The following NFAT5 variants were observed in gnomAD, a reference collection of about 807,000 sequenced individuals.
NFAT5 encodes nuclear factor of activated T-cells 5.
NFAT5 carries 31 observed loss-of-function variants against 166.5 expected under a neutral mutation model. The observed-to-expected ratio is 0.19, with a 90% CI of 0.14 to 0.25. The LOEUF (loss-of-function observed/expected upper bound fraction) is 0.25, where lower values mean the gene tolerates loss of function less well. Among genes scored for constraint, NFAT5 ranks in the 10% least tolerant of loss-of-function variants. NFAT5 has a pLI of 1.00. For missense variants in NFAT5, 1,449 were observed against 1,821.8 expected, an observed-to-expected ratio of 0.80 and a Z score of 3.72; for synonymous variants, 612 against 639.7, an observed-to-expected ratio of 0.96 and a Z score of 0.65.
chr16:69,666,731 A>C (rs1348330058), intron 7 of NFAT5, among the ~76,000 whole-genome samples: 1 of 151,744 alleles, frequency 6.6e-6, no homozygotes, highest in Non-Finnish European at 1.5e-5. Flanking sequence ...GTGGGACTGT[A>C]AACTAGTTCA....
At chr16:69,598,823 G>A (rs1456055363) in intron 2 of NFAT5, among the ~76,000 whole-genome samples, 6 of 151,960 alleles carry the variant, frequency 3.9e-5, no homozygotes, top group Non-Finnish European at 8.8e-5. Flanking sequence ...TCAGGATTTC[G>A]AGATCAGCCT....
At chr16:69,685,069 C>T (rs9934681) in intron 11 of NFAT5, 99 bp downstream of exon 11, 105,771 of 614,106 alleles carry the variant, frequency 0.17, 9,879 homozygotes, top group East Asian at 0.37. Flanking sequence ...ACTTATAATA[C>T]TTTGCAGGGT....
At chr16:69,592,857 G>T (rs1597369499) in intron 2 of NFAT5, among the ~76,000 whole-genome samples, 1 of 152,068 alleles carries the variant, frequency 6.6e-6, no homozygotes, top group Admixed American at 6.6e-5. Flanking sequence ...AGTAGAGTAG[G>T]GTTTATTCTT....
At chr16:69,572,610 A>G (rs2016509120) in intron 2 of NFAT5, among the ~76,000 whole-genome samples, 1 of 152,172 alleles carries the variant, frequency 6.6e-6, no homozygotes, top group Non-Finnish European at 1.5e-5. Flanking sequence ...ACTAAGATAG[A>G]AATGAAACTG....
rs1188158260 is a variant in NFAT5 at position 69,688,202 on chromosome 16, C to CAAAAAAAA, written c.1775-2721_1775-2714dup. ...TGGGCGACAGAGCGAGACTCCGTCTCAAAAAAAAAAAAAAAAAAAAAAAAC... is the reference window on the plus strand; with the variant it reads ...TGGGCGACAGAGCGAGACTCCGTCTCAAAAAAAAAAAAAAAAAAAAAAAAAAAAAAAAC... On this transcript the variant is annotated intron_variant, in intron 11 of 14. Coordinates refer to ENST00000349945, the MANE Select transcript of NFAT5 (RefSeq NM_138713.4). Among the ~76,000 whole-genome samples the CAAAAAAAA allele has an allele frequency of 3.9e-3, 191 of 49,444 alleles. 10 individuals are homozygous for CAAAAAAAA. Among genetic ancestry groups the CAAAAAAAA allele is most frequent in the African/African-American group, 0.011 (167 of 15,722 alleles). The allele number at this position is 49,444 out of a possible 152,430, so 32.4% of individuals were successfully genotyped here.
chr16:69,623,436 T>C (rs1288931163), intron 2 of NFAT5, among the ~76,000 whole-genome samples: 1 of 152,006 alleles, frequency 6.6e-6, no homozygotes, highest in African/African-American at 2.4e-5. Context: ...CAAGCAGTTT[T>C]CCTGCCTCAG....
At chr16:69,667,747 G>A (rs898611583) in intron 7 of NFAT5, among the ~76,000 whole-genome samples, 1 of 141,404 alleles carries the variant, frequency 7.1e-6, no homozygotes, top group African/African-American at 3.2e-5. Context: ...ATATATTAAT[G>A]TAATTTTAAC....
chr16:69,619,321 T>G (rs967549755), intron 2 of NFAT5, among the ~76,000 whole-genome samples: 1 of 152,210 alleles, frequency 6.6e-6, no homozygotes, highest in African/African-American at 2.4e-5. Context: ...TCTATCCGTG[T>G]ATAGCCCTAA....
rs1188158260 is a variant in NFAT5, at chr16:69,688,202, C to CAAAA, written c.1775-2717_1775-2714dup. Among the ~76,000 whole-genome samples, 264 of 49,354 alleles carry CAAAA rather than the reference C, an allele frequency of 5.3e-3. 7 individuals are homozygous for CAAAA. The highest frequency in any genetic ancestry group is 0.02 in the East Asian group (20 of 994). 32.4% of individuals were successfully genotyped at this position (49,354 alleles called of 152,430 possible). On this transcript the variant is annotated intron_variant, in intron 11 of 14. Transcript: ENST00000349945. ...TGGGCGACAGAGCGAGACTCCGTCT[C>CAAAA]AAAAAAAAAAAAAAAAAAAAAAAAC... is the stretch of plus-strand genomic sequence containing the variant.
chr16:69,615,834 A>G (rs1305837887), intron 2 of NFAT5, among the ~76,000 whole-genome samples: 1 of 152,034 alleles, frequency 6.6e-6, no homozygotes, highest in African/African-American at 2.4e-5. Context: ...TTTCTGACAC[A>G]TTAATACCCT....
chr16:69,653,446 C>G lies in NFAT5; in HGVS notation c.1005+18C>G. ...CAGTAAAGGTATTTACTTTATTTAT[C>G]ATTTGAATTTTAGTTAAAATGTAAA... is the stretch of plus-strand genomic sequence containing the variant. On this transcript the variant is annotated intron_variant, in intron 5 of 14. Coordinates refer to ENST00000349945, the MANE Select transcript of NFAT5 (RefSeq NM_138713.4). 1.4e-6 allele frequency: 2 copies of G among 1,421,026 alleles called. No individual in the cohort carries two copies. The highest frequency in any genetic ancestry group is 1.9e-6 in the Non-Finnish European group (2 of 1,070,124). The allele number at this position is 1,421,026 out of a possible 1,614,324, so 88.0% of individuals were successfully genotyped here. A position where few individuals can be genotyped will look rare whatever the true frequency, so the allele number is the denominator to read the frequency against.
chr16:69,684,863 ATACAT>A lies in NFAT5; in HGVS notation c.1691-21_1691-17del. On this transcript the variant is annotated intron_variant, in intron 10 of 14. Transcript: ENST00000349945. Reference sequence around the variant, plus strand: ...TTTTAGGATGAGTAAATGTAGATAAATACATTAATCTTTTTTTTAATAGCAGCAGC... The same window carrying A: ...TTTTAGGATGAGTAAATGTAGATAAATAATCTTTTTTTTAATAGCAGCAGC... 1 of 1,518,226 alleles carries A rather than the reference ATACAT, an allele frequency of 6.6e-7. No individual in the cohort carries two copies. The highest frequency in any genetic ancestry group is 1.4e-5 in the African/African-American group (1 of 72,232). 94.0% of individuals were successfully genotyped at this position (1,518,226 alleles called of 1,614,324 possible).
intron 10 of NFAT5, among the ~76,000 whole-genome samples, chr16:69,680,266 G>A (rs1194749449): frequency 6.6e-6 from 1 of 152,168 alleles, no homozygotes. Context: ...TTCCTGATGA[G>A]CTTCTGCATC....
At chr16:69,600,987 C>T (rs568671805) in intron 2 of NFAT5, among the ~76,000 whole-genome samples, 1 of 152,254 alleles carries the variant, frequency 6.6e-6, no homozygotes, top group Non-Finnish European at 1.5e-5. Flanking sequence ...GACACAAGCT[C>T]AGGCTTCGTC....
In NFAT5 at chr16:69,566,381, C is replaced by G; in HGVS notation, c.73+7C>G. 2 of 1,563,880 alleles carry G rather than the reference C, an allele frequency of 1.3e-6. No homozygotes were observed. Among genetic ancestry groups the G allele is most frequent in the Non-Finnish European group, 1.8e-6 (2 of 1,142,510 alleles). Reference sequence around the variant, plus strand: ...AAGTCCCTCTACTCGCGAGGTGAGTCAGGCTGTGGGGGGTGGGGCGTGGGG... The same window carrying G: ...AAGTCCCTCTACTCGCGAGGTGAGTGAGGCTGTGGGGGGTGGGGCGTGGGG... On this transcript the variant is annotated splice_region_variant and intron_variant, in intron 1 of 14. Transcript: ENST00000349945. The surrounding 1 kb of genome is among the most constrained non-coding windows in gnomAD (Gnocchi z 5.7).
chr16:69,666,334 C>T lies in NFAT5; in HGVS notation c.1370-3643C>T, dbSNP rs1467092818. On this transcript the variant is annotated intron_variant, in intron 7 of 14. Transcript: ENST00000349945. ...AATTGACAAATGGGATCTAATTAAA[C>T]GGAAGAGCTTCTGCACAGCAAAAGA... is the stretch of plus-strand genomic sequence containing the variant. Among the ~76,000 whole-genome samples the T allele has an allele frequency of 9.2e-5, 14 of 152,094 alleles. No homozygotes were observed. The East Asian group carries it at 9.7e-4, about 11-fold the overall frequency.
intron 2 of NFAT5, among the ~76,000 whole-genome samples, chr16:69,595,048 G>A (rs116874404): frequency 0.059 from 8,967 of 152,116 alleles, 290 homozygotes; most frequent in Middle Eastern, 0.11. Flanking sequence ...TCAGATTGAG[G>A]GTAGGTCTGC....
intron 2 of NFAT5, among the ~76,000 whole-genome samples, chr16:69,606,557 T>C (rs2033421370): frequency 6.6e-6 from 1 of 152,046 alleles, no homozygotes. Context: ...ACAAGACCTG[T>C]AGAAAGGAAA....
intron 2 of NFAT5, among the ~76,000 whole-genome samples, chr16:69,577,338 C>A (rs1311566670): frequency 1.3e-5 from 2 of 151,954 alleles, no homozygotes; most frequent in Non-Finnish European, 2.9e-5. Flanking sequence ...TGTGTAAATT[C>A]ATCTTGAGTG....
Sources: allele counts gnomAD v4.1 joint callset (sites outside exome capture counted in the v4.1 genomes callset), GRCh38; gene constraint gnomAD v4.1.1; non-coding constraint Gnocchi (gnomAD v3.1); transcripts MANE v1.5; gene names NCBI Gene and HGNC (gene_info 2026-07-23, HGNC 2026-07-21).